The following DNAH10 variants were observed in gnomAD, a reference collection of about 807,000 sequenced individuals.
The protein encoded by DNAH10 is axonemal beta dynein heavy chain 10.
A neutral mutation model predicts 506.6 loss-of-function variants in DNAH10; 348 were observed. The observed-to-expected ratio is 0.69, with a 90% CI of 0.63 to 0.75. The LOEUF (loss-of-function observed/expected upper bound fraction) is 0.75. Among genes scored for constraint, DNAH10 ranks in the 30% least tolerant of loss-of-function variants. The pLI, the probability that DNAH10 is intolerant of heterozygous loss-of-function variation, is 0.00. For synonymous variants in DNAH10, 2,059 were observed against 2,198.6 expected, an observed-to-expected ratio of 0.94 and a Z score of 1.78; for missense variants, 5,179 against 5,787.1, an observed-to-expected ratio of 0.89 and a Z score of 3.41.
chr12:123,789,685 A>G (rs1401657083), intron 10 of DNAH10, among the ~76,000 whole-genome samples: 1 of 152,094 alleles, frequency 6.6e-6, no homozygotes, highest in African/African-American at 2.4e-5. Context: ...CTGAGGCAGA[A>G]AGGGACATGG....
chr12:123,903,174 A>C lies in DNAH10; in HGVS notation c.9815+61A>C. The C allele has an allele frequency of 4.6e-6, 7 of 1,512,080 alleles. No individual in the cohort carries two copies. Among genetic ancestry groups the C allele is most frequent in the Non-Finnish European group, 6.2e-6 (7 of 1,129,180 alleles). 93.7% of individuals were successfully genotyped at this position (1,512,080 alleles called of 1,614,324 possible). ...CCACCTCTGCAAGCCAGTAGTCTCC[A>C]TGATCGTGGCAACCAGGAGCTTACA... On this transcript the variant is annotated intron_variant, in intron 57 of 78. Transcript: ENST00000673944. This position sits in a 1 kb window ranked among gnomAD's most constrained non-coding sequence, Gnocchi z 4.6.
At chr12:123,933,032 A>G (rs529271401) in intron 76 of DNAH10, among the ~76,000 whole-genome samples, 6 of 152,220 alleles carry the variant, frequency 3.9e-5, no homozygotes, top group Non-Finnish European at 8.8e-5. Flanking sequence ...TCAAACCTAC[A>G]AGGCTTTTCT....
At chr12:123,811,630 A>G (rs1299029011) in intron 19 of DNAH10, among the ~76,000 whole-genome samples, 1 of 152,044 alleles carries the variant, frequency 6.6e-6, no homozygotes, top group Non-Finnish European at 1.5e-5. Context: ...CCTCCCGAGT[A>G]GCTGGGACTA....
Position 123,762,388 on chromosome 12 carries a change from G to C in DNAH10, c.52G>C (p.Gly18Arg). The C allele has an allele frequency of 7.2e-6, 10 of 1,385,556 alleles. No individual in the cohort carries two copies. Among genetic ancestry groups the C allele is most frequent in the South Asian group, 1.6e-5 (1 of 62,298 alleles). The allele number at this position is 1,385,556 out of a possible 1,614,324, so 85.8% of individuals were successfully genotyped here. The change falls in exon 1 of 79, where the codon GGC becomes CGC. Residue 18 changes from glycine (G) to arginine (R), a missense_variant. By Grantham distance (125) the Gly-to-Arg change is moderately radical. Around this residue, in one of 3 missense-constraint regions of DNAH10, gnomAD observed 326 missense variants for 330.8 expected, o/e 0.99. Transcript: ENST00000673944. This position sits in a 1 kb window ranked among gnomAD's most constrained non-coding sequence, Gnocchi z 5.0. Reference protein sequence around the residue: ...WMRDRVYAAFGITDPQLFEDL... With the variant: ...WMRDRVYAAFRITDPQLFEDL... Reference sequence around the variant, plus strand: ...GCGCGACCGCGTGTATGCGGCTTTCGGCATCACCGACCCCCAGCTTTTCGA... The same window carrying C: ...GCGCGACCGCGTGTATGCGGCTTTCCGCATCACCGACCCCCAGCTTTTCGA...
At chr12:123,812,166 C>A (rs1423814355) in intron 19 of DNAH10, among the ~76,000 whole-genome samples, 2 of 152,042 alleles carry the variant, frequency 1.3e-5, no homozygotes, top group East Asian at 3.9e-4. Flanking sequence ...TAAAACAGAG[C>A]CTTGGCCGGG....
intron 16 of DNAH10, among the ~76,000 whole-genome samples, chr12:123,802,667 A>G (rs1451389214): frequency 6.7e-6 from 1 of 148,768 alleles, no homozygotes; most frequent in African/African-American, 2.5e-5. Flanking sequence ...GTGCCATTTT[A>G]CATTTCCATC....
chr12:123,915,102 T>TA, intron 62 of DNAH10, 103 bp downstream of exon 62: 1 of 1,401,334 alleles, frequency 7.1e-7, no homozygotes, highest in Non-Finnish European at 9.4e-7. Flanking sequence ...TCAGCGAGGC[T>TA]GGGCTGAAAT....
Position 123,925,343 on chromosome 12 carries a change from C to A in DNAH10, c.11921+139C>A, listed in dbSNP as rs1954897958. The A allele has an allele frequency of 9.0e-7, 1 of 1,116,212 alleles. No homozygotes were observed. The highest frequency in any genetic ancestry group is 1.3e-6 in the Non-Finnish European group (1 of 790,388). 69.1% of individuals were successfully genotyped at this position (1,116,212 alleles called of 1,614,324 possible). A position where few individuals can be genotyped will look rare whatever the true frequency, so the allele number is the denominator to read the frequency against. On this transcript the variant is annotated intron_variant, in intron 68 of 78. Coordinates refer to ENST00000673944, the MANE Select transcript of DNAH10 (RefSeq NM_001372106.1). The surrounding 1 kb of genome is among the most constrained non-coding windows in gnomAD (Gnocchi z 4.0). The stretch of plus-strand genomic sequence containing the variant: ...CACCCTGCTGTACAATATTCGATAG[C>A]CGATATTCTAGAATTCTTCAATATT...
rs1215806991 is a variant in DNAH10, at chr12:123,787,620, G to C, written c.1422-184G>C. Among the ~76,000 whole-genome samples the C allele has an allele frequency of 6.6e-6, 1 of 152,254 alleles. No homozygotes were observed. The highest frequency in any genetic ancestry group is 1.5e-5 in the Non-Finnish European group (1 of 68,044). ...CTGCAACGGAAACCTCGCAGCTTGG[G>C]ACTCCCGCCCTTGCACATGGGACAG... On this transcript the variant is annotated intron_variant, in intron 9 of 78. Transcript: ENST00000673944. This position sits in a 1 kb window ranked among gnomAD's most constrained non-coding sequence, Gnocchi z 4.6.
chr12:123,791,073 G>A (rs1486548225), intron 11 of DNAH10, among the ~76,000 whole-genome samples: 1 of 152,108 alleles, frequency 6.6e-6, no homozygotes, highest in Non-Finnish European at 1.5e-5. Flanking sequence ...GTCACAGTGA[G>A]CTGGCTGAGA....
chr12:123,917,567 C>T lies in DNAH10; in HGVS notation c.11003-17C>T. 6.5e-7 allele frequency: 1 copy of T among 1,549,472 alleles called. No individual in the cohort carries two copies. The highest frequency in any genetic ancestry group is 8.7e-7 in the Non-Finnish European group (1 of 1,146,202). ...TGGGGGCCGCAGGTGGTGAGGGCCT[C>T]TCACTGTCCCCCACAGTCACGCTGA... On this transcript the variant is annotated splice_polypyrimidine_tract_variant and intron_variant, in intron 63 of 78. Transcript: ENST00000673944. This position sits in a 1 kb window ranked among gnomAD's most constrained non-coding sequence, Gnocchi z 5.6.
intron 37 of DNAH10, 148 bp from the exon 38 acceptor site, chr12:123,859,002 G>T (rs1039548608): frequency 1.5e-5 from 11 of 722,332 alleles, no homozygotes; most frequent in Non-Finnish European, 2.5e-5. Flanking sequence ...TGCTCATGGG[G>T]ATGGTTGCAC....
At chr12:123,832,676 A>G (rs1363814330) in intron 26 of DNAH10, among the ~76,000 whole-genome samples, 2 of 152,166 alleles carry the variant, frequency 1.3e-5, no homozygotes, top group African/African-American at 4.8e-5. Context: ...ATATGGAATC[A>G]TAAGAGGCAT....
In DNAH10 at chr12:123,833,060, GC is replaced by G; in HGVS notation, c.4546-53del. ...CTAAGGAAGGTGTTTTTGGGTTGGG[GC>G]TCGGTCCTTTCAGTTCGTGTGCCTG... On this transcript the variant is annotated intron_variant, in intron 26 of 78. Transcript: ENST00000673944. 3 of 1,430,812 alleles carry G rather than the reference GC, an allele frequency of 2.1e-6. No homozygotes were observed. In the South Asian group the frequency reaches 3.7e-5, roughly 18 times the overall value. 88.6% of individuals were successfully genotyped at this position (1,430,812 alleles called of 1,614,324 possible).
Position 123,794,102 on chromosome 12 carries a change from A to T in DNAH10, c.1976A>T (p.Tyr659Phe). ...AAATTTAATGATATTCTTGCACAGT[A>T]CTGTAAAGAGGTAATTGAAAAATCG... is the stretch of plus-strand genomic sequence containing the variant. ...MMKFNDILAQ[Y>F]CKEIDIINKI... Residue 659 changes from tyrosine to phenylalanine, a missense_variant, in exon 12 of 79, where the codon TAC becomes TTC. By Grantham distance (22) the Tyr-to-Phe change is conservative. This residue lies in a region of DNAH10 where 4,844 missense variants were observed against 5,430.5 expected (regional missense o/e 0.89). Transcript: ENST00000673944. 8.2e-7 allele frequency: 1 copy of T among 1,223,604 alleles called. No individual in the cohort carries two copies. The highest frequency in any genetic ancestry group is 1.0e-6 in the Non-Finnish European group (1 of 953,168). 75.8% of individuals were successfully genotyped at this position (1,223,604 alleles called of 1,614,324 possible).
intron 50 of DNAH10, 126 bp downstream of exon 50, chr12:123,879,927 G>A (rs960476834): frequency 1.2e-5 from 14 of 1,155,194 alleles, no homozygotes; most frequent in East Asian, 4.7e-5. Flanking sequence ...CTTGAAATAC[G>A]GGCTTGTGTC....
chr12:123,888,792 G>A (rs1345087861), intron 52 of DNAH10, among the ~76,000 whole-genome samples: 1 of 152,168 alleles, frequency 6.6e-6, no homozygotes, highest in African/African-American at 2.4e-5. Context: ...TCGAACCCAG[G>A]ATTTTTAGCA....
intron 28 of DNAH10, among the ~76,000 whole-genome samples, chr12:123,837,071 T>C (rs576901949): frequency 3.2e-4 from 48 of 149,924 alleles, no homozygotes; most frequent in Admixed American, 1.3e-3. Context: ...CAGGATGGTC[T>C]CAATCTCCTG....
At chr12:123,781,551 C>A (rs754386312) in intron 6 of DNAH10, among the ~76,000 whole-genome samples, 1 of 150,994 alleles carries the variant, frequency 6.6e-6, no homozygotes, top group Non-Finnish European at 1.5e-5. Flanking sequence ...CTGCAACCTC[C>A]GCCCCCTGGG....
Sources: allele counts gnomAD v4.1 joint callset (sites outside exome capture counted in the v4.1 genomes callset), GRCh38; gene constraint gnomAD v4.1.1; regional missense constraint gnomAD v4.1.1; non-coding constraint Gnocchi (gnomAD v3.1); transcripts MANE v1.5; gene names NCBI Gene and HGNC (gene_info 2026-07-23, HGNC 2026-07-21).